The following ATAT1 variants were observed in gnomAD, a reference collection of about 807,000 sequenced individuals.
ATAT1 encodes the protein alpha-tubulin N-acetyltransferase 1.
A neutral mutation model predicts 57.2 loss-of-function variants in ATAT1; 42 were observed. The observed-to-expected ratio is 0.73, with a 90% CI of 0.57 to 0.95. ATAT1 has a LOEUF of 0.95. Among genes scored for constraint, ATAT1 ranks in the 40% least tolerant of loss-of-function variants. The pLI, the probability that ATAT1 is intolerant of heterozygous loss-of-function variation, is 0.00. For synonymous variants in ATAT1, 168 were observed against 187.1 expected, an observed-to-expected ratio of 0.90 and a Z score of 0.83; for missense variants, 454 against 523.7, an observed-to-expected ratio of 0.87 and a Z score of 1.30.
intron 6 of ATAT1, among the ~76,000 whole-genome samples, chr6:30,639,602 G>A (rs1452691134): frequency 3.3e-5 from 5 of 151,152 alleles, no homozygotes; most frequent in African/African-American, 1.2e-4. Context: ...TCAGCCTCCC[G>A]AGTAGCTGGG....
intron 6 of ATAT1, among the ~76,000 whole-genome samples, chr6:30,632,172 C>T (rs1182889544): frequency 6.7e-6 from 1 of 150,186 alleles, no homozygotes. Context: ...GAGTCTGAGG[C>T]AGGAGAATCA....
At chr6:30,630,344 A>G (rs1762583430) in intron 6 of ATAT1, among the ~76,000 whole-genome samples, 1 of 151,316 alleles carries the variant, frequency 6.6e-6, no homozygotes, top group African/African-American at 2.4e-5. Context: ...AAAAACAGAA[A>G]AAAAGGCCAG....
Position 30,640,584 on chromosome 6 carries a change from A to G in ATAT1, c.597A>G (p.Ala199=). Residue 199 remains alanine, a synonymous_variant, in exon 8 of 13, where the codon GCA becomes GCG. Coordinates refer to ENST00000330083, the MANE Select transcript of ATAT1 (RefSeq NM_001031722.4). ...CAACTCGACACTCTCGTGCTGCTGC[A>G]GTCGATCCCACGCCCGCTGGTAAAG... 2 of 1,613,000 alleles carry G rather than the reference A, an allele frequency of 1.2e-6. No individual in the cohort carries two copies. Among genetic ancestry groups the G allele is most frequent in the Non-Finnish European group, 1.7e-6 (2 of 1,180,022 alleles).
At position 30,646,530 on chromosome 6, in the gene ATAT1, G is replaced by A. The variant is rs905488943; in HGVS notation, c.1117G>A (p.Ala373Thr). 5.6e-6 allele frequency: 9 copies of A among 1,593,508 alleles called. No individual in the cohort carries two copies. The highest frequency in any genetic ancestry group is 7.7e-6 in the Non-Finnish European group (9 of 1,170,450). ...GTCTGGGGAGAAGCCCATGCACACA[G>A]CTCCTCCACAGGCCCCGGCCCCGCC... Residue 373 changes from alanine (A) to threonine (T), a missense_variant, in exon 13 of 13, where the codon GCT becomes ACT. Around this residue, in one of 3 missense-constraint regions of ATAT1, gnomAD observed 216 missense variants for 222.2 expected, o/e 0.97. Coordinates refer to ENST00000330083, the MANE Select transcript of ATAT1 (RefSeq NM_001031722.4).
rs767736897 is a variant in ATAT1 at position 30,642,986 on chromosome 6, A to G, written c.907A>G (p.Ser303Gly). The G allele has an allele frequency of 5.1e-5, 83 of 1,613,652 alleles. No individual in the cohort carries two copies. The highest frequency in any genetic ancestry group is 6.8e-5 in the Non-Finnish European group (80 of 1,179,880). Reference sequence around the variant, plus strand: ...TCTGTTGGCTGCTGACCCTGGGGGCAGCCCAGCTCAACGTCGTCGCACCAG... The same window carrying G: ...TCTGTTGGCTGCTGACCCTGGGGGCGGCCCAGCTCAACGTCGTCGCACCAG... Residue 303 changes from serine to glycine, a missense_variant, in exon 10 of 13, where the codon AGC (serine) becomes GGC (glycine). Transcript: ENST00000330083.
chr6:30,638,740 G>A (rs1353723754), intron 6 of ATAT1, among the ~76,000 whole-genome samples: 1 of 152,110 alleles, frequency 6.6e-6, no homozygotes, highest in Admixed American at 6.6e-5. Flanking sequence ...GAAAGTTGAG[G>A]CCCAGCCCTG....
chr6:30,645,444 G>C (rs142722231), intron 10 of ATAT1, among the ~76,000 whole-genome samples: 1 of 152,172 alleles, frequency 6.6e-6, no homozygotes, highest in East Asian at 1.9e-4. Context: ...TCGATCTCCT[G>C]ATCACGTGAT....
At chr6:30,638,931 A>G (rs1227390397) in intron 6 of ATAT1, among the ~76,000 whole-genome samples, 1 of 152,210 alleles carries the variant, frequency 6.6e-6, no homozygotes, top group Non-Finnish European at 1.5e-5. Context: ...GGCCTCCAGC[A>G]TGTCTTCCCC....
intron 6 of ATAT1, among the ~76,000 whole-genome samples, chr6:30,630,938 C>T (rs1327618833): frequency 1.4e-5 from 2 of 146,176 alleles, no homozygotes; most frequent in Admixed American, 6.9e-5. Context: ...ACTCTTGTCT[C>T]GGAACAAAAA....
intron 10 of ATAT1, among the ~76,000 whole-genome samples, chr6:30,645,512 C>T (rs1191931791): frequency 6.6e-6 from 1 of 152,138 alleles, no homozygotes; most frequent in Admixed American, 6.5e-5. Flanking sequence ...CCGCGCCCAG[C>T]CTGGTCTAAG....
At chr6:30,632,502 G>A (rs1016171788) in intron 6 of ATAT1, among the ~76,000 whole-genome samples, 1 of 152,008 alleles carries the variant, frequency 6.6e-6, no homozygotes, top group Non-Finnish European at 1.5e-5. Context: ...AACCTGGGAG[G>A]CAGAGGTTGC....
intron 6 of ATAT1, among the ~76,000 whole-genome samples, chr6:30,630,510 C>A (rs772814235): frequency 6.6e-6 from 1 of 152,038 alleles, no homozygotes; most frequent in African/African-American, 2.4e-5. Flanking sequence ...ATGGTGGGTA[C>A]CTGTAATCCC....
At chr6:30,633,681 T>TC (rs1156418016) in intron 6 of ATAT1, 1 of 210,534 alleles carries the variant, frequency 4.7e-6, no homozygotes, top group Non-Finnish European at 1.1e-5. Context: ...ACCAAGGACT[T>TC]CAAGGAGAAG....
intron 6 of ATAT1, among the ~76,000 whole-genome samples, chr6:30,629,003 C>T (rs1313619638): frequency 4.0e-5 from 6 of 151,400 alleles, no homozygotes; most frequent in Non-Finnish European, 5.9e-5. Flanking sequence ...TGGGCTCAAG[C>T]GATACTCCTC....
chr6:30,630,665 T>G (rs1324551327), intron 6 of ATAT1, among the ~76,000 whole-genome samples: 2 of 150,456 alleles, frequency 1.3e-5, no homozygotes, highest in Admixed American at 6.6e-5. Context: ...GGGCCAGGCA[T>G]GGTGGCTCAT....
At chr6:30,642,712 ACT>A (rs1765735179) in intron 9 of ATAT1, 54 bp from the exon 10 acceptor site, 4 of 1,078,642 alleles carry the variant, frequency 3.7e-6, no homozygotes, top group South Asian at 1.3e-5. Flanking sequence ...TGCTGTCATG[ACT>A]CTCTTCCTTT....
intron 6 of ATAT1, among the ~76,000 whole-genome samples, chr6:30,634,195 A>C (rs963280653): frequency 1.3e-5 from 2 of 152,190 alleles, no homozygotes; most frequent in African/African-American, 4.8e-5. Flanking sequence ...GTACTTTAAA[A>C]AGGAAGTTTG....
chr6:30,642,126 C>A, intron 8 of ATAT1, 50 bp from the exon 9 acceptor site: 1 of 1,612,364 alleles, frequency 6.2e-7, no homozygotes, highest in Non-Finnish European at 8.5e-7. Context: ...AGGAGGGGTG[C>A]AAAGTATGTC....
chr6:30,642,270 G>A (rs1310801221), intron 9 of ATAT1, 23 bp downstream of exon 9: 21 of 1,613,914 alleles, frequency 1.3e-5, no homozygotes, highest in Non-Finnish European at 1.8e-5. Context: ...AGGGTCGGGT[G>A]TCTGGGCCTG....
Sources: allele counts gnomAD v4.1 joint callset (sites outside exome capture counted in the v4.1 genomes callset), GRCh38; gene constraint gnomAD v4.1.1; regional missense constraint gnomAD v4.1.1; transcripts MANE v1.5; gene names NCBI Gene and HGNC (gene_info 2026-07-23, HGNC 2026-07-21).